The following CDH20 variants were observed in gnomAD, a reference collection of about 807,000 sequenced individuals.
The protein encoded by CDH20 is cadherin 20.
CDH20 carries 29 observed loss-of-function variants against 74.2 expected under a neutral mutation model. The observed-to-expected ratio is 0.39, with a 90% CI of 0.29 to 0.53. The LOEUF is 0.53. Among genes scored for constraint, CDH20 ranks in the 20% least tolerant of loss-of-function variants. CDH20 has a pLI of 0.69. For missense variants in CDH20, 988 were observed against 1,048.3 expected (o/e 0.94, Z 0.79); for synonymous variants, 469 against 405.4 (o/e 1.16, Z -1.88).
chr18:61,473,713 A>C (rs1910270161), intron 1 of CDH20, among the ~76,000 whole-genome samples: 1 of 152,236 alleles, frequency 6.6e-6, no homozygotes, highest in South Asian at 2.1e-4. Context: ...AAATATCAGC[A>C]TAAAAGCAGT....
At chr18:61,500,774 A>G (rs1423567796) in intron 4 of CDH20, among the ~76,000 whole-genome samples, 2 of 152,198 alleles carry the variant, frequency 1.3e-5, no homozygotes, top group African/African-American at 4.8e-5. Context: ...AGCCTTCAAA[A>G]AATCCTATGG....
At chr18:61,445,576 A>G (rs1909172222) in intron 1 of CDH20, among the ~76,000 whole-genome samples, 1 of 152,214 alleles carries the variant, frequency 6.6e-6, no homozygotes, top group Non-Finnish European at 1.5e-5. Context: ...TAAGTAACCT[A>G]TTCCAAGTCA....
chr18:61,377,096 C>A (rs771087091), intron 1 of CDH20, among the ~76,000 whole-genome samples: 18 of 152,082 alleles, frequency 1.2e-4, no homozygotes, highest in Admixed American at 3.3e-4. Flanking sequence ...CAGCTTGGAG[C>A]CCTTAGAATT....
intron 1 of CDH20, among the ~76,000 whole-genome samples, chr18:61,342,728 G>A (rs1909992217): frequency 6.6e-6 from 1 of 152,144 alleles, no homozygotes; most frequent in African/African-American, 2.4e-5. Context: ...CAATTTTCAT[G>A]TATTCCTTAT....
chr18:61,407,887 C>A (rs1304037147), intron 1 of CDH20, among the ~76,000 whole-genome samples: 7 of 152,120 alleles, frequency 4.6e-5, no homozygotes, highest in Admixed American at 4.6e-4. Flanking sequence ...TATCCTGGAC[C>A]AGAAACTTTA....
At chr18:61,362,131 C>T (rs1388826027) in intron 1 of CDH20, among the ~76,000 whole-genome samples, 1 of 152,138 alleles carries the variant, frequency 6.6e-6, no homozygotes, top group Admixed American at 6.6e-5. Flanking sequence ...TTCCTATCTT[C>T]CCATAACCCA....
At chr18:61,460,382 T>C (rs1909725540) in intron 1 of CDH20, among the ~76,000 whole-genome samples, 1 of 152,190 alleles carries the variant, frequency 6.6e-6, no homozygotes, top group African/African-American at 2.4e-5. Flanking sequence ...CAACAGACTT[T>C]ATGATAAATT....
intron 1 of CDH20, among the ~76,000 whole-genome samples, chr18:61,375,420 T>C (rs947399980): frequency 2.6e-5 from 4 of 152,170 alleles, no homozygotes; most frequent in Non-Finnish European, 5.9e-5. Flanking sequence ...TCTCTTGGCT[T>C]ATACAGACGA....
rs749882059 is a variant in CDH20, at chr18:61,550,046, C to T, written c.1717C>T (p.Pro573Ser). The T allele has an allele frequency of 2.5e-6, 4 of 1,614,204 alleles. No individual in the cohort carries two copies. The Admixed American group carries it at 6.7e-5, about 27-fold the overall frequency. Residue 573 changes from proline to serine, a missense_variant, in exon 11 of 12, where the codon CCT (proline) becomes TCT (serine). By Grantham distance (74) the Pro-to-Ser change is moderately conservative. Transcript: ENST00000262717. ...GCAGGAGCAGAGTGTCTTTCACCTG[C>T]CTATCCTGATAGCAGATAGCGGGCA... ...RQQEQSVFHL[P>S]ILIADSGQPV...
chr18:61,553,308 C>T (rs1265739107), intron 11 of CDH20, among the ~76,000 whole-genome samples: 1 of 151,920 alleles, frequency 6.6e-6, no homozygotes, highest in African/African-American at 2.4e-5. Flanking sequence ...AACCTCAACA[C>T]TCTTCCTGGA....
chr18:61,370,661 A>G (rs1320547773), intron 1 of CDH20, among the ~76,000 whole-genome samples: 1 of 152,054 alleles, frequency 6.6e-6, no homozygotes. Context: ...CTTAAAATGT[A>G]CCCTCCGCAA....
chr18:61,446,418 C>A (rs1038269869), intron 1 of CDH20, among the ~76,000 whole-genome samples: 1 of 152,180 alleles, frequency 6.6e-6, no homozygotes, highest in Admixed American at 6.5e-5. Flanking sequence ...CTGAACATGA[C>A]CTTCTCCGCC....
At chr18:61,409,277 C>T (rs1912422122) in intron 1 of CDH20, among the ~76,000 whole-genome samples, 1 of 152,238 alleles carries the variant, frequency 6.6e-6, no homozygotes, top group East Asian at 1.9e-4. Flanking sequence ...CTTCTGTGCC[C>T]CCACCCCGCA....
intron 6 of CDH20, among the ~76,000 whole-genome samples, chr18:61,519,717 C>T (rs1019708743): frequency 7.9e-5 from 12 of 151,166 alleles, no homozygotes; most frequent in East Asian, 1.9e-4. Context: ...CAACAACTAA[C>T]GGGCAAAATA....
chr18:61,430,725 G>T (rs1055303274), intron 1 of CDH20, among the ~76,000 whole-genome samples: 1 of 152,062 alleles, frequency 6.6e-6, no homozygotes, highest in African/African-American at 2.4e-5. Context: ...TGTTCAAATT[G>T]TTCCAGCTTT....
intron 4 of CDH20, among the ~76,000 whole-genome samples, 174 bp from the exon 5 acceptor site, chr18:61,502,779 T>C (rs1375285857): frequency 1.3e-5 from 2 of 152,208 alleles, no homozygotes; most frequent in Non-Finnish European, 2.9e-5. Context: ...ACCACTGGTT[T>C]CAGTACAGCC....
rs1221647162 is a variant in CDH20, at chr18:61,466,281, T to C, written c.-152-24121T>C. On this transcript the variant is annotated intron_variant, in intron 1 of 11. Coordinates refer to ENST00000262717, the MANE Select transcript of CDH20 (RefSeq NM_031891.4). ...TTACAAACAATTCCTGTTAGTATAGTTGTACTTACAACATTTACAATAGAA... is the reference window on the plus strand; with the variant it reads ...TTACAAACAATTCCTGTTAGTATAGCTGTACTTACAACATTTACAATAGAA... Among the ~76,000 whole-genome samples the C allele has an allele frequency of 5.3e-5, 8 of 152,322 alleles. 1 individual carries two copies. In the Middle Eastern group the frequency reaches 0.01, roughly 194 times the overall value.
At chr18:61,504,357 G>A (rs1473192573) in intron 5 of CDH20, among the ~76,000 whole-genome samples, 2 of 152,158 alleles carry the variant, frequency 1.3e-5, no homozygotes, top group Non-Finnish European at 2.9e-5. Context: ...TTGATTTCCT[G>A]GCTAAGGGAA....
intron 1 of CDH20, chr18:61,334,450 C>T (rs913162040): frequency 1.3e-5 from 2 of 152,366 alleles, no homozygotes; most frequent in African/African-American, 4.8e-5. Flanking sequence ...CCCCGGATTT[C>T]CTGTCCTCGG....
Sources: gnomAD v4.1 joint callset for allele counts (sites outside exome capture counted in the v4.1 genomes callset) on GRCh38, gnomAD v4.1.1 for gene constraint, MANE v1.5 for transcripts, NCBI Gene and HGNC (gene_info 2026-07-23, HGNC 2026-07-21) for gene names.